TSC2: variants seen among roughly 807,000 people sequenced by gnomAD.
The protein encoded by TSC2 is tuberin.
Under a neutral mutation model 202.2 loss-of-function variants are expected in TSC2, and 29 were observed. That is an observed-to-expected ratio of 0.14 (90% CI 0.11 to 0.20). TSC2 has a LOEUF of 0.20. Ranked by LOEUF, TSC2 falls within the 10% of genes least tolerant of loss-of-function variation. The pLI, the probability that TSC2 is intolerant of heterozygous loss-of-function variation, is 1.00. For missense variants in TSC2, 2,429 were observed against 2,420.0 expected (o/e 1.00, Z -0.08); for synonymous variants, 1,349 against 1,044.0 (o/e 1.29, Z -5.63).
chr16:2,077,433 C>A, intron 25 of TSC2, 165 bp from the exon 26 acceptor site: 1 of 981,338 alleles, frequency 1.0e-6, no homozygotes, highest in Non-Finnish European at 1.5e-6. Context: ...CTCTTCCCCG[C>A]TAACTGCCCT....
Position 2,088,324 on chromosome 16 carries a change from G to C in TSC2, c.5258G>C (p.Arg1753Pro), listed in dbSNP as rs749487441. 1 of 1,612,680 alleles carries C rather than the reference G, an allele frequency of 6.2e-7. No individual in the cohort carries two copies. Among genetic ancestry groups the C allele is most frequent in the Non-Finnish European group, 8.5e-7 (1 of 1,179,996 alleles). The change falls in exon 41 of 42, where the codon CGG becomes CCG. Residue 1753 changes from arginine (R) to proline (P), a missense_variant and splice_region_variant. Physicochemically the swap from Arg to Pro is moderately radical, Grantham distance 103. Transcript: ENST00000219476. Reference protein sequence around the residue: ...RLRHIKRLRQRICEEAAYSNP... With the variant: ...RLRHIKRLRQPICEEAAYSNP... Reference sequence around the variant, plus strand: ...CGCCACATCAAGCGGCTCCGCCAGCGGGTAGGGAATATGGGGCTCCCTCAG... The same window carrying C: ...CGCCACATCAAGCGGCTCCGCCAGCCGGTAGGGAATATGGGGCTCCCTCAG...
intron 12 of TSC2, 95 bp downstream of exon 12, chr16:2,062,103 A>G (rs2151158653): frequency 5.7e-6 from 9 of 1,565,854 alleles, no homozygotes; most frequent in Non-Finnish European, 7.8e-6. Flanking sequence ...TCAGAAGCCA[A>G]GGGCCAGGTG....
chr16:2,079,733 A>T lies in TSC2; in HGVS notation c.3397+64A>T, dbSNP rs547083070. On this transcript the variant is annotated intron_variant, in intron 29 of 41. Transcript: ENST00000219476. This position sits in a 1 kb window ranked among gnomAD's most constrained non-coding sequence, Gnocchi z 4.6. ...GGCTCCCTCAGTTGCTGCTGGTCCC[A>T]GTGTTCAGGAAGGCCCCGAGCCCAG... The T allele has an allele frequency of 9.4e-5, 142 of 1,503,550 alleles. 3 individuals carry two copies. The South Asian group carries it at 1.7e-3, about 18-fold the overall frequency. The allele number at this position is 1,503,550 out of a possible 1,614,324, so 93.1% of individuals were successfully genotyped here.
chr16:2,064,112 T>G (rs2086981333), intron 14 of TSC2, 160 bp from the exon 15 acceptor site: 1 of 1,201,388 alleles, frequency 8.3e-7, no homozygotes, highest in South Asian at 1.3e-5. Flanking sequence ...CCGGGGTCTC[T>G]GAGTCGCGCT....
At chr16:2,087,423 C>G (rs371783852) in intron 38 of TSC2, among the ~76,000 whole-genome samples, 1 of 147,534 alleles carries the variant, frequency 6.8e-6, no homozygotes, top group Non-Finnish European at 1.5e-5. Flanking sequence ...GGCTGGTAGT[C>G]AGAGTCCAGG....
intron 4 of TSC2, 198 bp downstream of exon 4, chr16:2,053,650 G>A (rs1259005728): frequency 4.4e-6 from 3 of 687,898 alleles, no homozygotes; most frequent in Non-Finnish European, 8.0e-6. Context: ...CTGCCTCCTC[G>A]CCTGTAAACA....
intron 2 of TSC2, 69 bp from the exon 3 acceptor site, chr16:2,050,331 T>G: frequency 2.1e-6 from 3 of 1,413,556 alleles, no homozygotes; most frequent in Non-Finnish European, 1.0e-6. Context: ...TTTAGGTGGT[T>G]TGTGACTTGC....
In TSC2 at chr16:2,083,725, C is replaced by G. The variant is rs45517320; in HGVS notation, c.3914C>G (p.Pro1305Arg). The G allele has an allele frequency of 6.3e-7, 1 of 1,597,670 alleles. No homozygotes were observed. Among genetic ancestry groups the G allele is most frequent in the Non-Finnish European group, 8.5e-7 (1 of 1,173,372 alleles). The change falls in exon 33 of 42, where the codon CCG becomes CGG. Residue 1305 changes from proline to arginine, a missense_variant. Coordinates refer to ENST00000219476, the MANE Select transcript of TSC2 (RefSeq NM_000548.5). ...GCCGTGGTCATGGAGGAGGGAAGTCCGGGCGAGGTTCCTGTGCTGGTGGAG... is the reference window on the plus strand; with the variant it reads ...GCCGTGGTCATGGAGGAGGGAAGTCGGGGCGAGGTTCCTGTGCTGGTGGAG... ...DSAVVMEEGS[P>R]GEVPVLVEPP...
intron 37 of TSC2, 22 bp downstream of exon 37, chr16:2,086,401 C>T: frequency 6.2e-7 from 1 of 1,608,696 alleles, no homozygotes; most frequent in Non-Finnish European, 8.5e-7. Flanking sequence ...CGCCTACCCG[C>T]TCCTGCTGCC....
At chr16:2,058,632 C>CG in intron 9 of TSC2, 115 bp from the exon 10 acceptor site, 1 of 1,488,156 alleles carries the variant, frequency 6.7e-7, no homozygotes, top group Non-Finnish European at 9.1e-7. Context: ...TCCTGCCCCC[C>CG]CCAAGCACAG....
At position 2,079,009 on chromosome 16, in the gene TSC2, C is replaced by T. The variant is rs2089783064; in HGVS notation, c.2967-23C>T. Reference sequence around the variant, plus strand: ...GCCCGCCCTACCTGGCACCCTGACCCTGGTCACGGCCTCTCCCTCCAGCAG... The same window carrying T: ...GCCCGCCCTACCTGGCACCCTGACCTTGGTCACGGCCTCTCCCTCCAGCAG... On this transcript the variant is annotated intron_variant, in intron 26 of 41. Transcript: ENST00000219476. The surrounding 1 kb of genome is among the most constrained non-coding windows in gnomAD (Gnocchi z 4.6). 6.2e-7 allele frequency: 1 copy of T among 1,611,874 alleles called. No individual in the cohort carries two copies. Among genetic ancestry groups the T allele is most frequent in the Non-Finnish European group, 8.5e-7 (1 of 1,179,980 alleles).
At chr16:2,054,174 C>T in intron 4 of TSC2, 122 bp from the exon 5 acceptor site, 1 of 1,495,630 alleles carries the variant, frequency 6.7e-7, no homozygotes, top group Admixed American at 1.7e-5. Context: ...TTGCAGGGCG[C>T]CTCTGTGGGA....
At chr16:2,072,586 C>T (rs1332693915) in intron 20 of TSC2, 5 of 810,222 alleles carry the variant, frequency 6.2e-6, no homozygotes, top group African/African-American at 5.2e-5. Flanking sequence ...CAGCCAAGGG[C>T]ATGTCACTGA....
chr16:2,061,170 C>T (rs748454394), intron 11 of TSC2: 30 of 372,274 alleles, frequency 8.1e-5, no homozygotes, highest in East Asian at 1.2e-4. Flanking sequence ...TTTGGAGGAC[C>T]GCATTAGTCG....
intron 24 of TSC2, 81 bp from the exon 25 acceptor site, chr16:2,076,410 C>T: frequency 6.3e-7 from 1 of 1,597,076 alleles, no homozygotes; most frequent in Non-Finnish European, 8.6e-7. Flanking sequence ...TGTCCCTGGC[C>T]AGGGGGCACC....
At position 2,057,178 on chromosome 16, in the gene TSC2, G is replaced by A. The variant is rs1255519055; in HGVS notation, c.848G>A (p.Arg283Lys). The A allele has an allele frequency of 1.2e-5, 18 of 1,551,596 alleles. No individual in the cohort carries two copies. In the South Asian group the frequency reaches 1.9e-4, roughly 16 times the overall value. ...IYNMCHLMEDRAYMEDAPLLR... is the reference protein window; with the variant it reads ...IYNMCHLMEDKAYMEDAPLLR... ...AACATGTGCCACCTCATGGAGGACA[G>A]GTGAGTGTGGTGGGTGGGGCGCAGG... The change falls in exon 9 of 42, where the codon AGA becomes AAA. Residue 283 changes from arginine (R) to lysine (K), a missense_variant and splice_region_variant. Arg to Lys is a conservative substitution (Grantham distance 26, BLOSUM62 2). Coordinates refer to ENST00000219476, the MANE Select transcript of TSC2 (RefSeq NM_000548.5).
intron 16 of TSC2, among the ~76,000 whole-genome samples, chr16:2,069,694 A>C (rs573764188): frequency 2.6e-5 from 4 of 152,060 alleles, no homozygotes; most frequent in African/African-American, 4.8e-5. Flanking sequence ...GTTAGCCAGG[A>C]TGGTCTTGAT....
At position 2,061,923 on chromosome 16, in the gene TSC2, T is replaced by C. The variant is rs1414372155; in HGVS notation, c.1172T>C (p.Val391Ala). 1.2e-6 allele frequency: 2 copies of C among 1,613,980 alleles called. No individual in the cohort carries two copies. The highest frequency in any genetic ancestry group is 1.3e-5 in the African/African-American group (1 of 74,880). The change falls in exon 12 of 42, where the codon GTG becomes GCG. Residue 391 changes from valine to alanine, a missense_variant. Coordinates refer to ENST00000219476, the MANE Select transcript of TSC2 (RefSeq NM_000548.5). ...ATCGTCCATGACCTGTTGACCACGG[T>C]GGAGGAGCTGTGTGACCAGAACGAG... is the stretch of plus-strand genomic sequence containing the variant. ...RTIVHDLLTT[V>A]EELCDQNEFH...
At chr16:2,068,339 C>A (rs928392924) in intron 16 of TSC2, among the ~76,000 whole-genome samples, 1 of 152,104 alleles carries the variant, frequency 6.6e-6, no homozygotes, top group African/African-American at 2.4e-5. Context: ...CGTGCCTGGC[C>A]TGTTTTCATT....
Sources: allele counts gnomAD v4.1 joint callset (sites outside exome capture counted in the v4.1 genomes callset), GRCh38; gene constraint gnomAD v4.1.1; non-coding constraint Gnocchi (gnomAD v3.1); transcripts MANE v1.5; gene names NCBI Gene and HGNC (gene_info 2026-07-23, HGNC 2026-07-21).